The following KPNA6 variants were observed in gnomAD, a reference collection of about 807,000 sequenced individuals.
KPNA6 encodes karyopherin subunit alpha 6, also known as importin subunit alpha-7.
In KPNA6, 9 loss-of-function variants were observed where a neutral mutation model predicts 72.0. The ratio of observed to expected loss-of-function variants is 0.13; its 90% CI spans 0.08 to 0.22. The LOEUF is 0.22. Ranked by LOEUF, KPNA6 falls within the 10% of genes least tolerant of loss-of-function variation. KPNA6 has a pLI of 1.00. For missense variants in KPNA6, 374 were observed against 655.7 expected (o/e 0.57, Z 4.69); for synonymous variants, 219 against 242.1 (o/e 0.90, Z 0.89).
At position 32,108,077 on chromosome 1, in the gene KPNA6, C is replaced by T. The variant is rs1002597045; in HGVS notation, c.-54C>T. On this transcript the variant is annotated 5_prime_UTR_variant, in exon 1 of 14. Transcript: ENST00000373625. ...CGCCATATTGTCTACTGAAAGCTGC[C>T]GCTGAAGCTGCCGCCGTTGCCTCCG... is the stretch of plus-strand genomic sequence containing the variant. 58 of 1,613,566 alleles carry T rather than the reference C, an allele frequency of 3.6e-5. 1 individual carries two copies. Among genetic ancestry groups the T allele is most frequent in the African/African-American group, 9.3e-5 (7 of 75,052 alleles).
At position 32,174,455 on chromosome 1, in the gene KPNA6, C is replaced by T. The variant is rs1403782036; in HGVS notation, c.*3561C>T. ...TCTTCATGTCTACCTGCCTTCCCCC[C>T]ACACCCTAAAGTTGTACTTGTTTCT... On this transcript the variant is annotated 3_prime_UTR_variant, in exon 14 of 14. Coordinates refer to ENST00000373625, the MANE Select transcript of KPNA6 (RefSeq NM_012316.5). The T allele has an allele frequency of 6.6e-6, 1 of 152,194 alleles. No individual in the cohort carries two copies. Among genetic ancestry groups the T allele is most frequent in the Non-Finnish European group, 1.5e-5 (1 of 68,060 alleles). 9.4% of individuals were successfully genotyped at this position (152,194 alleles called of 1,614,324 possible). A position where few individuals can be genotyped will look rare whatever the true frequency, so the allele number is the denominator to read the frequency against.
intron 1 of KPNA6, among the ~76,000 whole-genome samples, chr1:32,125,689 T>C (rs559310329): frequency 6.6e-6 from 1 of 152,312 alleles, no homozygotes; most frequent in South Asian, 2.1e-4. Context: ...TTTTGCCCTT[T>C]GGGTATGATA....
Position 32,117,421 on chromosome 1 carries a change from C to T in KPNA6, c.4+9287C>T, listed in dbSNP as rs555129844. Among the ~76,000 whole-genome samples, 489 of 152,060 alleles carry T rather than the reference C, an allele frequency of 3.2e-3. 5 individuals carry two copies. The highest frequency in any genetic ancestry group is 0.011 in the African/African-American group (474 of 41,514). On this transcript the variant is annotated intron_variant, in intron 1 of 13. Transcript: ENST00000373625. Reference sequence around the variant, plus strand: ...ACTCCTGACCTTGTGATCCACCCGCCTCGGCCTCCCAAAGTGCTGGGATTA... The same window carrying T: ...ACTCCTGACCTTGTGATCCACCCGCTTCGGCCTCCCAAAGTGCTGGGATTA...
At chr1:32,144,998 G>T (rs1423744996) in intron 1 of KPNA6, among the ~76,000 whole-genome samples, 1 of 150,444 alleles carries the variant, frequency 6.6e-6, no homozygotes, top group Non-Finnish European at 1.5e-5. Flanking sequence ...TGTCGCCCAG[G>T]CTGAAGTGCA....
rs1362637050 is a variant in KPNA6 at position 32,108,065 on chromosome 1, A to G, written c.-66A>G. 6.2e-7 allele frequency: 1 copy of G among 1,612,558 alleles called. No individual in the cohort carries two copies. The highest frequency in any genetic ancestry group is 8.5e-7 in the Non-Finnish European group (1 of 1,178,948). On this transcript the variant is annotated 5_prime_UTR_variant, in exon 1 of 14. Coordinates refer to ENST00000373625, the MANE Select transcript of KPNA6 (RefSeq NM_012316.5). ...GTCCTACAGATCCGCCATATTGTCT[A>G]CTGAAAGCTGCCGCTGAAGCTGCCG...
At chr1:32,135,313 C>A (rs529625563) in intron 1 of KPNA6, among the ~76,000 whole-genome samples, 2 of 152,062 alleles carry the variant, frequency 1.3e-5, no homozygotes, top group East Asian at 3.9e-4. Flanking sequence ...GTGATCTGTC[C>A]CCCTCAGCCT....
chr1:32,141,606 A>G (rs1203298668), intron 1 of KPNA6, among the ~76,000 whole-genome samples: 1 of 151,844 alleles, frequency 6.6e-6, no homozygotes, highest in East Asian at 1.9e-4. Flanking sequence ...CATGTTAGCC[A>G]GGCTGGTCTT....
intron 1 of KPNA6, among the ~76,000 whole-genome samples, chr1:32,125,583 A>G (rs780875464): frequency 2.6e-5 from 4 of 152,192 alleles, no homozygotes; most frequent in Admixed American, 6.6e-5. Flanking sequence ...AGTCCTGCTC[A>G]TGTAATAGTA....
chr1:32,135,120 T>C (rs1479076483), intron 1 of KPNA6, among the ~76,000 whole-genome samples: 10 of 152,054 alleles, frequency 6.6e-5, no homozygotes. Context: ...CAGGCTGGAG[T>C]GCAGTGGCGC....
chr1:32,134,905 A>AC (rs1206468876), intron 1 of KPNA6, among the ~76,000 whole-genome samples: 1 of 148,112 alleles, frequency 6.8e-6, no homozygotes, highest in Non-Finnish European at 1.5e-5. Context: ...TTTTTTTTTT[A>AC]CTTTTTTTTT....
At chr1:32,143,866 G>A (rs10914530) in intron 1 of KPNA6, among the ~76,000 whole-genome samples, 1 of 152,072 alleles carries the variant, frequency 6.6e-6, no homozygotes, top group Non-Finnish European at 1.5e-5. Context: ...ATTTCACTTA[G>A]CACATTAATT....
At chr1:32,137,932 C>T (rs1489714824) in intron 1 of KPNA6, among the ~76,000 whole-genome samples, 1 of 151,876 alleles carries the variant, frequency 6.6e-6, no homozygotes, top group Non-Finnish European at 1.5e-5. Flanking sequence ...GTCAGGAGTT[C>T]GAGACCAGCC....
intron 1 of KPNA6, among the ~76,000 whole-genome samples, chr1:32,123,783 C>T (rs1417448282): frequency 1.3e-5 from 2 of 148,698 alleles, no homozygotes; most frequent in Non-Finnish European, 3.0e-5. Flanking sequence ...CGCCTGTAAT[C>T]CCAGCACTCT....
intron 1 of KPNA6, among the ~76,000 whole-genome samples, chr1:32,117,479 T>G (rs1569990036): frequency 9.2e-6 from 1 of 108,872 alleles, no homozygotes; most frequent in East Asian, 3.5e-4. Context: ...GCCCAATTTG[T>G]TTTTTTTTTT....
chr1:32,115,214 C>T (rs1463991804), intron 1 of KPNA6, among the ~76,000 whole-genome samples: 1 of 151,930 alleles, frequency 6.6e-6, no homozygotes, highest in Non-Finnish European at 1.5e-5. Flanking sequence ...CAGCTCACTA[C>T]AAGCTCGGCC....
intron 6 of KPNA6, among the ~76,000 whole-genome samples, chr1:32,160,356 A>T (rs1642215746): frequency 6.6e-6 from 1 of 151,302 alleles, no homozygotes; most frequent in South Asian, 2.1e-4. Flanking sequence ...TTTCTGGGCG[A>T]TATTGTTTTG....
Position 32,174,101 on chromosome 1 carries a change from A to C in KPNA6, c.*3207A>C, listed in dbSNP as rs1478059389. On this transcript the variant is annotated 3_prime_UTR_variant, in exon 14 of 14. Transcript: ENST00000373625. ...GATGTTGGCTGCAGCCTTCTGATAGAACCACATGGATTCCACCCACAGCTG... is the reference window on the plus strand; with the variant it reads ...GATGTTGGCTGCAGCCTTCTGATAGCACCACATGGATTCCACCCACAGCTG... 6.6e-6 allele frequency: 1 copy of C among 152,192 alleles called. No homozygotes were observed. Among genetic ancestry groups the C allele is most frequent in the Non-Finnish European group, 1.5e-5 (1 of 68,082 alleles). The allele number at this position is 152,192 out of a possible 1,614,324, so 9.4% of individuals were successfully genotyped here.
At chr1:32,169,364 C>CAA (rs1297416743) in intron 12 of KPNA6, among the ~76,000 whole-genome samples, 1 of 121,062 alleles carries the variant, frequency 8.3e-6, no homozygotes, top group Non-Finnish European at 1.8e-5. Context: ...GACCCTGTCT[C>CAA]AAAAAAAAAA....
At chr1:32,112,359 G>A (rs2124518906) in intron 1 of KPNA6, among the ~76,000 whole-genome samples, 1 of 152,220 alleles carries the variant, frequency 6.6e-6, no homozygotes, top group African/African-American at 2.4e-5. Context: ...CCAGACCACT[G>A]CAATAAAGCA....
Sources: allele counts gnomAD v4.1 joint callset (sites outside exome capture counted in the v4.1 genomes callset), GRCh38; gene constraint gnomAD v4.1.1; transcripts MANE v1.5; gene names NCBI Gene and HGNC (gene_info 2026-07-23, HGNC 2026-07-21).